The following SLC2A9 variants were observed in gnomAD, a reference collection of about 807,000 sequenced individuals.
The protein encoded by SLC2A9 is solute carrier family 2, facilitated glucose transporter member 9.
In SLC2A9, 39 loss-of-function variants were observed where a neutral mutation model predicts 50.6. The ratio of observed to expected loss-of-function variants is 0.77; its 90% CI spans 0.60 to 1.01. The LOEUF is 1.01. SLC2A9 is among the 50% of genes least tolerant of loss of function. SLC2A9 has a pLI of 0.00. For missense variants in SLC2A9, 686 were observed against 677.6 expected, an observed-to-expected ratio of 1.01 and a Z score of -0.14; for synonymous variants, 324 against 276.9, an observed-to-expected ratio of 1.17 and a Z score of -1.69.
chr4:9,883,797 C>T (rs1454518103), intron 10 of SLC2A9, among the ~76,000 whole-genome samples: 1 of 152,176 alleles, frequency 6.6e-6, no homozygotes, highest in African/African-American at 2.4e-5. Context: ...ATTAAACCAC[C>T]TGCAAATACG....
At chr4:9,789,651 C>T (rs568186920) in intron 3 of SLC2A9, among the ~76,000 whole-genome samples, 1 of 152,312 alleles carries the variant, frequency 6.6e-6, no homozygotes, top group Admixed American at 6.5e-5. Context: ...GCCTCTAGGC[C>T]AATTCGGGGG....
intron 7 of SLC2A9, among the ~76,000 whole-genome samples, chr4:9,913,985 C>T (rs912794435): frequency 1.3e-5 from 2 of 152,180 alleles, no homozygotes; most frequent in Admixed American, 6.5e-5. Flanking sequence ...CCCTACATGA[C>T]GTAACTGCAT....
chr4:9,983,811 G>A (rs981006792), intron 4 of SLC2A9, among the ~76,000 whole-genome samples: 1 of 152,232 alleles, frequency 6.6e-6, no homozygotes, highest in Non-Finnish European at 1.5e-5. Context: ...AAGTTTCGGG[G>A]TTTTTAAATA....
At chr4:9,926,967 C>A (rs1178327205) in intron 6 of SLC2A9, among the ~76,000 whole-genome samples, 1 of 151,814 alleles carries the variant, frequency 6.6e-6, no homozygotes, top group Admixed American at 6.6e-5. Flanking sequence ...CATGGCCCTG[C>A]TGGCACCTTG....
chr4:9,834,576 C>T (rs1396074955), intron 11 of SLC2A9, among the ~76,000 whole-genome samples: 2 of 152,138 alleles, frequency 1.3e-5, no homozygotes, highest in Non-Finnish European at 2.9e-5. Flanking sequence ...GTGATGAGCA[C>T]ATTGTAAAAA....
rs773971807 is a variant in SLC2A9, at chr4:9,941,987, A to G, written c.740T>C (p.Leu247Pro). 30 of 1,614,208 alleles carry G rather than the reference A, an allele frequency of 1.9e-5. No individual in the cohort carries two copies. The highest frequency in any genetic ancestry group is 2.5e-5 in the Non-Finnish European group (30 of 1,180,026). ...GCTGTCCGGGAGAAAGGGAAGGCTC[A>G]GCAGCTGGACAACGGCAGGGACCAC... ...VIVVPAVVQL[L>P]SLPFLPDSPR... Residue 247 changes from leucine (L) to proline (P), a missense_variant, in exon 6 of 12, where the codon CTG (leucine) becomes CCG (proline). Physicochemically the swap from Leu to Pro is moderately conservative, Grantham distance 98 (BLOSUM62 -3). Coordinates refer to ENST00000264784, the MANE Select transcript of SLC2A9 (RefSeq NM_020041.3).
intron 8 of SLC2A9, among the ~76,000 whole-genome samples, chr4:9,902,098 C>A (rs1211868387): frequency 6.6e-6 from 1 of 152,224 alleles, no homozygotes; most frequent in Non-Finnish European, 1.5e-5. Flanking sequence ...TTTTGCCTGA[C>A]ATGCTCTTCC....
At position 9,917,521 on chromosome 4, in the gene SLC2A9, G is replaced by A. The variant is rs139906867; in HGVS notation, c.1002+2864C>T. ...CTAATTTTTATATTTAGTAGAGATGGGGTTTCACCATGTTGGCCAGGATGG... is the reference window on the plus strand; with the variant it reads ...CTAATTTTTATATTTAGTAGAGATGAGGTTTCACCATGTTGGCCAGGATGG... On this transcript the variant is annotated intron_variant, in intron 7 of 11. Transcript: ENST00000264784. 5.5e-4 allele frequency among the ~76,000 whole-genome samples: 84 copies of A among 151,646 alleles called. No homozygotes were observed. The East Asian group carries it at 0.016, about 29-fold the overall frequency.
At chr4:9,812,964 T>C (rs1723079257) in intron 3 of SLC2A9, among the ~76,000 whole-genome samples, 1 of 152,214 alleles carries the variant, frequency 6.6e-6, no homozygotes, top group Non-Finnish European at 1.5e-5. Context: ...ATAGCAAATA[T>C]CTTACACTGT....
chr4:9,893,976 A>G (rs1193395418), intron 8 of SLC2A9, among the ~76,000 whole-genome samples: 1 of 152,204 alleles, frequency 6.6e-6, no homozygotes, highest in Non-Finnish European at 1.5e-5. Context: ...GGATTTACCA[A>G]AAGTCACCCA....
chr4:9,811,603 A>C (rs913530154), intron 3 of SLC2A9, among the ~76,000 whole-genome samples: 1 of 152,176 alleles, frequency 6.6e-6, no homozygotes. Context: ...CCTCCAGCTG[A>C]CACCACCTGG....
intron 3 of SLC2A9, among the ~76,000 whole-genome samples, chr4:9,818,124 A>C (rs779663787): frequency 3.3e-5 from 5 of 152,180 alleles, no homozygotes; most frequent in Admixed American, 6.5e-5. Flanking sequence ...TCTGCACTCC[A>C]GAGATGGATG....
At chr4:10,027,043 C>CA (rs1278669193) in intron 1 of SLC2A9, among the ~76,000 whole-genome samples, 3 of 148,236 alleles carry the variant, frequency 2.0e-5, no homozygotes, top group Non-Finnish European at 4.5e-5. Flanking sequence ...AACTCTGTCT[C>CA]AAAAAAACAA....
chr4:9,850,932 C>T (rs186855576), intron 10 of SLC2A9, among the ~76,000 whole-genome samples: 99 of 152,094 alleles, frequency 6.5e-4, no homozygotes, highest in Non-Finnish European at 1.0e-3. Context: ...CAGTGCCCCA[C>T]CCCCACTGGT....
intron 1 of SLC2A9, among the ~76,000 whole-genome samples, chr4:10,029,925 C>G (rs2109589283): frequency 6.6e-6 from 1 of 152,252 alleles, no homozygotes; most frequent in East Asian, 1.9e-4. Flanking sequence ...TGTGAGCCAC[C>G]ATGGCTGGCA....
At chr4:9,929,220 G>A (rs1023175012) in intron 6 of SLC2A9, among the ~76,000 whole-genome samples, 1 of 152,270 alleles carries the variant, frequency 6.6e-6, no homozygotes, top group African/African-American at 2.4e-5. Flanking sequence ...CTTTGCAGGT[G>A]AGAAGATGAA....
intron 3 of SLC2A9, among the ~76,000 whole-genome samples, 156 bp from the exon 4 acceptor site, chr4:9,985,949 G>C (rs1756642787): frequency 6.6e-6 from 1 of 152,244 alleles, no homozygotes; most frequent in Admixed American, 6.5e-5. Context: ...CTCTGGCTGT[G>C]TGACTGGGTT....
At chr4:9,838,736 C>T (rs550539051) in intron 10 of SLC2A9, among the ~76,000 whole-genome samples, 25 of 152,192 alleles carry the variant, frequency 1.6e-4, no homozygotes, top group African/African-American at 5.8e-4. Context: ...ACACACCTGA[C>T]AAAAACAAGC....
chr4:9,888,794 C>CAG (rs1226439722), intron 9 of SLC2A9, among the ~76,000 whole-genome samples: 3 of 152,146 alleles, frequency 2.0e-5, no homozygotes. Flanking sequence ...AGAGGGCAGA[C>CAG]AGAGGAATGG....
Sources: gnomAD v4.1 joint callset for allele counts (sites outside exome capture counted in the v4.1 genomes callset) on GRCh38, gnomAD v4.1.1 for gene constraint, MANE v1.5 for transcripts, NCBI Gene and HGNC (gene_info 2026-07-23, HGNC 2026-07-21) for gene names.